TRPM5: variants seen among roughly 807,000 people sequenced by gnomAD.
TRPM5 encodes the protein transient receptor potential cation channel subfamily M member 5.
In TRPM5, 121 loss-of-function variants were observed where a neutral mutation model predicts 124.9. That is an observed-to-expected ratio of 0.97 (90% confidence interval 0.84 to 1.13). TRPM5 has a LOEUF of 1.13. TRPM5 is among the 50% of genes most tolerant of loss of function. The probability of loss-of-function intolerance (pLI) is 0.00; values close to 1 mark genes in which losing one functional copy is unlikely to be tolerated. For synonymous variants in TRPM5, 781 were observed against 700.5 expected, an observed-to-expected ratio of 1.11 and a Z score of -1.81; for missense variants, 1,643 against 1,589.1, an observed-to-expected ratio of 1.03 and a Z score of -0.58.
chr11:2,434,206 C>A, the TRPM5 span, among the ~76,000 whole-genome samples: 2 of 144,424 alleles, frequency 1.4e-5, no homozygotes, highest in African/African-American at 5.2e-5. Flanking sequence ...GTATGTGCAC[C>A]ATGTGTGTCT....
rs1589872872 is a variant in TRPM5, at chr11:2,417,610, T to C, written c.1009+117A>G. The stretch of plus-strand genomic sequence containing the variant: ...TTCATGAATCATGTGTCATCTTTCC[T>C]GGGAAGGGGCAGGCGGCCGAGCGTC... On this transcript the variant is annotated intron_variant, in intron 7 of 23. Transcript: ENST00000155858. The C allele has an allele frequency of 2.8e-5, 21 of 738,018 alleles. No individual in the cohort carries two copies. The East Asian group carries it at 5.5e-4, about 19-fold the overall frequency. 45.7% of individuals were successfully genotyped at this position (738,018 alleles called of 1,614,324 possible).
chr11:2,425,965 C>T (rs78431349), upstream of TRPM5, among the ~76,000 whole-genome samples: 7,462 of 152,266 alleles, frequency 0.049, 608 homozygotes, highest in African/African-American at 0.17. Flanking sequence ...CTACAGGGCT[C>T]CCTGGCCCTT....
rs542838454 is a variant in TRPM5 at position 2,408,872 on chromosome 11, T to A, written c.2783-960A>T. Reference sequence around the variant, plus strand: ...CCCAGCCTGCACGCTGGCGTGTGTCTGTGTGAGCCTGTACATGTGATTGGA... The same window carrying A: ...CCCAGCCTGCACGCTGGCGTGTGTCAGTGTGAGCCTGTACATGTGATTGGA... On this transcript the variant is annotated intron_variant, in intron 18 of 23. Transcript: ENST00000155858. Among the ~76,000 whole-genome samples the A allele has an allele frequency of 1.3e-4, 20 of 152,282 alleles. 1 individual carries two copies. The South Asian group carries it at 4.1e-3, about 32-fold the overall frequency.
chr11:2,415,481 C>T lies in TRPM5; in HGVS notation c.1129-10G>A. The T allele has an allele frequency of 6.5e-7, 1 of 1,534,682 alleles. No individual in the cohort carries two copies. The highest frequency in any genetic ancestry group is 1.2e-5 in the South Asian group (1 of 82,950). ...CCTCCAGGTCACAGGACTTGGCGGCCATGGGCACCCGAGGGAAGGGGGACA... is the reference window on the plus strand; with the variant it reads ...CCTCCAGGTCACAGGACTTGGCGGCTATGGGCACCCGAGGGAAGGGGGACA... On this transcript the variant is annotated splice_polypyrimidine_tract_variant and intron_variant, in intron 8 of 23. Transcript: ENST00000155858.
At chr11:2,430,710 T>G in the TRPM5 span, among the ~76,000 whole-genome samples, 356 of 91,384 alleles carry the variant, frequency 3.9e-3, 3 homozygotes, top group African/African-American at 0.011. Flanking sequence ...GGTGTTGGTG[T>G]TGGTGGTGGT....
chr11:2,415,625 C>T (rs1269652287), intron 8 of TRPM5, among the ~76,000 whole-genome samples, 154 bp from the exon 14 acceptor site: 2 of 152,160 alleles, frequency 1.3e-5, no homozygotes, highest in African/African-American at 4.8e-5. Context: ...CCCAGCCTGC[C>T]CCCTGCATTG....
intron 1 of TRPM5, among the ~76,000 whole-genome samples, chr11:2,422,665 G>A (rs1030378141): frequency 6.6e-6 from 1 of 151,516 alleles, no homozygotes; most frequent in Non-Finnish European, 1.5e-5. Context: ...GGCCCTGGAT[G>A]CACTTGACCT....
At chr11:2,425,569 G>A (rs1345973778), upstream of TRPM5, among the ~76,000 whole-genome samples, 3 of 150,980 alleles carry the variant, frequency 2.0e-5, no homozygotes, top group Non-Finnish European at 4.4e-5. Flanking sequence ...CATCTGGGAG[G>A]ACACCACTTA....
chr11:2,422,800 C>T (rs947178316), intron 1 of TRPM5, 120 bp downstream of exon 6: 1 of 867,996 alleles, frequency 1.2e-6, no homozygotes, highest in Middle Eastern at 2.3e-4. Flanking sequence ...AATATGGCCC[C>T]AGGGGAGCAG....
chr11:2,428,224 G>C, the TRPM5 span, among the ~76,000 whole-genome samples: 1 of 152,176 alleles, frequency 6.6e-6, no homozygotes, highest in African/African-American at 2.4e-5. The surrounding 1 kb of genome is among the most constrained non-coding windows in gnomAD (Gnocchi z 4.0). Context: ...GAGGAGAACA[G>C]AGCCTGGGGG....
At chr11:2,441,886 A>G in the TRPM5 span, among the ~76,000 whole-genome samples, 1,490 of 151,826 alleles carry the variant, frequency 9.8e-3, 26 homozygotes, top group African/African-American at 0.032. This position sits in a 1 kb window ranked among gnomAD's most constrained non-coding sequence, Gnocchi z 7.2. Flanking sequence ...GCGGGGTTTT[A>G]CCATGTTGAC....
At chr11:2,408,716 A>G (rs1415980684) in intron 18 of TRPM5, among the ~76,000 whole-genome samples, 2 of 152,160 alleles carry the variant, frequency 1.3e-5, no homozygotes, top group Non-Finnish European at 2.9e-5. Context: ...AGGAGGAGGG[A>G]GGAGGGAGGA....
intron 21 of TRPM5, 128 bp downstream of exon 26, chr11:2,406,533 G>T: frequency 7.6e-7 from 1 of 1,316,914 alleles, no homozygotes; most frequent in South Asian, 1.4e-5. Context: ...CCTGGGCTCG[G>T]CCAGAGCCCT....
chr11:2,414,578 A>G (rs1476382632), intron 11 of TRPM5, 137 bp downstream of exon 16: 16 of 1,247,762 alleles, frequency 1.3e-5, no homozygotes, highest in Non-Finnish European at 1.7e-5. Context: ...GTCCTCTCCT[A>G]TGGAGGAGGC....
At chr11:2,424,011 C>T (rs1165584037), upstream of TRPM5, among the ~76,000 whole-genome samples, 1 of 152,218 alleles carries the variant, frequency 6.6e-6, no homozygotes, top group East Asian at 1.9e-4. Flanking sequence ...CTCTGTCTGC[C>T]CTCCTGGAAC....
the TRPM5 span, among the ~76,000 whole-genome samples, chr11:2,444,262 G>A: frequency 3.3e-5 from 5 of 152,244 alleles, no homozygotes; most frequent in East Asian, 9.7e-4. Flanking sequence ...ACCCGGGGGC[G>A]CTCACAGTGA....
chr11:2,404,293 G>A (rs923660784), downstream of TRPM5, among the ~76,000 whole-genome samples: 1 of 152,190 alleles, frequency 6.6e-6, no homozygotes, highest in Non-Finnish European at 1.5e-5. Context: ...GCCACGTGGG[G>A]TACAGTGTTT....
Position 2,407,099 on chromosome 11 carries a change from CCGCTTGTGCTCGGCCT to C in TRPM5, c.3118+4_3118+19del. 4 of 1,052,204 alleles carry C rather than the reference CCGCTTGTGCTCGGCCT, an allele frequency of 3.8e-6. No individual in the cohort carries two copies. Among genetic ancestry groups the C allele is most frequent in the Non-Finnish European group, 5.1e-6 (4 of 782,782 alleles). The allele number at this position is 1,052,204 out of a possible 1,614,324, so 65.2% of individuals were successfully genotyped here. The stretch of plus-strand genomic sequence containing the variant: ...CCACCTCGGCCTCACCCAGGTGCTC[CCGCTTGTGCTCGGCCT>C]CACCCAGGTGCTCCCGCTTGTGCTC... On this transcript the variant is annotated splice_donor_5th_base_variant and intron_variant, in intron 20 of 23. Coordinates refer to ENST00000155858, the Ensembl canonical transcript of TRPM5.
chr11:2,420,269 C>T (rs201257506), exon 4 of TRPM5: 131 of 1,611,406 alleles, frequency 8.1e-5, no homozygotes, highest in Non-Finnish European at 9.2e-5. Flanking sequence ...CAGCCTCAGC[C>T]GCAGCTCCGT....
Sources: allele counts gnomAD v4.1 joint callset (sites outside exome capture counted in the v4.1 genomes callset), GRCh38; gene constraint gnomAD v4.1.1; non-coding constraint Gnocchi (gnomAD v3.1); transcripts MANE v1.5; gene names NCBI Gene and HGNC (gene_info 2026-07-23, HGNC 2026-07-21).